The following RPA1 variants were observed in gnomAD, a reference collection of about 807,000 sequenced individuals.
RPA1 encodes the protein replication protein A 70 kDa DNA-binding subunit.
In RPA1, 49 loss-of-function variants were observed where a neutral mutation model predicts 83.0. The observed-to-expected ratio is 0.59, with a 90% CI of 0.47 to 0.75. RPA1 has a LOEUF of 0.75. Among genes scored for constraint, RPA1 ranks in the 30% least tolerant of loss-of-function variants. RPA1 has a pLI of 0.00. For synonymous variants in RPA1, 279 were observed against 281.8 expected (o/e 0.99, Z 0.10); for missense variants, 693 against 776.1 (o/e 0.89, Z 1.27).
rs2277694 is a variant in RPA1 at position 1,880,518 on chromosome 17, T to C, written c.1093-25T>C. ...GTGTTCTTCCTGCTAGTGACACTTG[T>C]ATATGTCTGGTGTTTCTTTTACAGG... On this transcript the variant is annotated intron_variant, in intron 11 of 16. Coordinates refer to ENST00000254719, the MANE Select transcript of RPA1 (RefSeq NM_002945.5). The C allele has an allele frequency of 0.22, 356,328 of 1,606,942 alleles. 40,701 individuals are homozygous for C. Among genetic ancestry groups the C allele is most frequent in the Admixed American group, 0.27 (15,860 of 59,802 alleles).
chr17:1,895,108 C>G lies in RPA1; in HGVS notation c.1746+13C>G. 2 of 1,608,050 alleles carry G rather than the reference C, an allele frequency of 1.2e-6. No individual in the cohort carries two copies. Among genetic ancestry groups the G allele is most frequent in the African/African-American group, 1.3e-5 (1 of 74,874 alleles). On this transcript the variant is annotated intron_variant, in intron 16 of 16. Coordinates refer to ENST00000254719, the MANE Select transcript of RPA1 (RefSeq NM_002945.5). Reference sequence around the variant, plus strand: ...GGAGACCTACAACGTAAGTAAGGGCCTGGGCAGCAGGGTTGGTGGTGGGGA... The same window carrying G: ...GGAGACCTACAACGTAAGTAAGGGCGTGGGCAGCAGGGTTGGTGGTGGGGA...
chr17:1,876,117 A>G (rs970279700), intron 7 of RPA1, among the ~76,000 whole-genome samples: 4 of 152,192 alleles, frequency 2.6e-5, no homozygotes, highest in African/African-American at 9.7e-5. Flanking sequence ...AATATTTCTG[A>G]TAATTCAAAA....
chr17:1,842,657 G>A, intron 1 of RPA1, 146 bp from the exon 2 acceptor site: 1 of 664,518 alleles, frequency 1.5e-6, no homozygotes, highest in Non-Finnish European at 2.7e-6. Flanking sequence ...TGTCCAGAGT[G>A]ATAAACTAGA....
At chr17:1,883,999 G>A (rs1415077670) in intron 13 of RPA1, 55 bp downstream of exon 13, 3 of 1,598,838 alleles carry the variant, frequency 1.9e-6, no homozygotes, top group African/African-American at 1.3e-5. Flanking sequence ...GCAGAAGGAT[G>A]GATTTAGAAA....
At chr17:1,848,160 ATGCT>A (rs889348146) in intron 4 of RPA1, among the ~76,000 whole-genome samples, 5 of 152,332 alleles carry the variant, frequency 3.3e-5, no homozygotes, top group African/African-American at 7.2e-5. Context: ...GGTAGTGGTG[ATGCT>A]TGCATAACTG....
Position 1,877,061 on chromosome 17 carries a change from TG to T in RPA1, c.588-150del, listed in dbSNP as rs935227177. On this transcript the variant is annotated intron_variant, in intron 7 of 16. Coordinates refer to ENST00000254719, the MANE Select transcript of RPA1 (RefSeq NM_002945.5). Reference sequence around the variant, plus strand: ...CTTATTCTGTAAACTGTCAAACCCATGTGTCATCTTGGGGTTTTAATTAGCT... The same window carrying T: ...CTTATTCTGTAAACTGTCAAACCCATTGTCATCTTGGGGTTTTAATTAGCT... 6.0e-6 allele frequency: 4 copies of T among 672,164 alleles called. No homozygotes were observed. In the African/African-American group the frequency reaches 7.2e-5, roughly 12 times the overall value. The allele number at this position is 672,164 out of a possible 1,614,324, so 41.6% of individuals were successfully genotyped here.
chr17:1,845,620 C>A (rs1912226967), intron 4 of RPA1, among the ~76,000 whole-genome samples: 1 of 152,184 alleles, frequency 6.6e-6, no homozygotes. Context: ...AGAACTGTTA[C>A]TCTCATTGCT....
At chr17:1,896,462 G>A (rs922329070) in intron 16 of RPA1, among the ~76,000 whole-genome samples, 2 of 149,082 alleles carry the variant, frequency 1.3e-5, no homozygotes, top group Admixed American at 6.7e-5. Context: ...GTTCTTCTGC[G>A]ACTACTATAA....
At chr17:1,851,326 T>C (rs1213678676) in intron 4 of RPA1, among the ~76,000 whole-genome samples, 2 of 151,952 alleles carry the variant, frequency 1.3e-5, no homozygotes, top group Non-Finnish European at 2.9e-5. Context: ...CCAAAATAAG[T>C]TTCCTGTGAC....
intron 12 of RPA1, 127 bp from the exon 13 acceptor site, chr17:1,883,685 G>A (rs921361185): frequency 4.5e-5 from 49 of 1,086,908 alleles, no homozygotes; most frequent in African/African-American, 1.7e-4. Context: ...CGACATGACC[G>A]TGACCTGTGT....
At chr17:1,842,234 T>G (rs1036694969) in intron 1 of RPA1, among the ~76,000 whole-genome samples, 1 of 152,180 alleles carries the variant, frequency 6.6e-6, no homozygotes, top group Admixed American at 6.5e-5. Context: ...TTTTCTATTT[T>G]CTGAAATAAT....
At chr17:1,853,865 G>A (rs1160742665) in intron 5 of RPA1, among the ~76,000 whole-genome samples, 2 of 152,192 alleles carry the variant, frequency 1.3e-5, no homozygotes, top group African/African-American at 4.8e-5. Context: ...ATACTCCTGT[G>A]ATAACACTCA....
chr17:1,837,714 G>C (rs941276933), intron 1 of RPA1, among the ~76,000 whole-genome samples: 1 of 152,126 alleles, frequency 6.6e-6, no homozygotes, highest in Non-Finnish European at 1.5e-5. Context: ...CTGGCCATTT[G>C]TATATCTTCA....
At chr17:1,863,379 T>C (rs1002765041) in intron 5 of RPA1, among the ~76,000 whole-genome samples, 28 of 151,200 alleles carry the variant, frequency 1.9e-4, no homozygotes, top group Non-Finnish European at 3.2e-4. Context: ...ACTCAGCTAA[T>C]TTTTTTTATT....
intron 4 of RPA1, among the ~76,000 whole-genome samples, chr17:1,846,842 A>G (rs541174659): frequency 2.6e-4 from 39 of 152,252 alleles, no homozygotes; most frequent in Admixed American, 7.2e-4. Context: ...AGGTTTTCCA[A>G]CGTAATAGTA....
Position 1,897,122 on chromosome 17 carries a change from A to T in RPA1, c.1798A>T (p.Arg600Ter). The change falls in exon 17 of 17, where the codon AGA (arginine) becomes TGA (stop). Residue 600 changes from arginine to a stop codon, truncating the protein, a stop_gained. Transcript: ENST00000254719. LOFTEE classifies it high-confidence loss of function. ...TVMDVKPVDY[R>*]EYGRRLVMSI... ...GATGGACGTGAAGCCCGTGGACTACAGAGAGTATGGCCGAAGGCTGGTCAT... is the reference window on the plus strand; with the variant it reads ...GATGGACGTGAAGCCCGTGGACTACTGAGAGTATGGCCGAAGGCTGGTCAT... 1.3e-6 allele frequency: 2 copies of T among 1,572,314 alleles called. No individual in the cohort carries two copies. The highest frequency in any genetic ancestry group is 1.7e-6 in the Non-Finnish European group (2 of 1,158,458).
intron 13 of RPA1, among the ~76,000 whole-genome samples, chr17:1,887,934 A>G (rs1271737936): frequency 1.3e-5 from 2 of 152,134 alleles, no homozygotes; most frequent in Non-Finnish European, 2.9e-5. Context: ...ATCTTGCAAG[A>G]ATTACTGTCT....
chr17:1,840,957 C>A (rs968836690), intron 1 of RPA1, among the ~76,000 whole-genome samples: 9 of 152,024 alleles, frequency 5.9e-5, no homozygotes. Context: ...ACCCCAGCTA[C>A]GCGGGAGGCT....
rs1914577991 is a variant in RPA1 at position 1,899,725 on chromosome 17, AG to A, written c.*2551del. The A allele has an allele frequency of 6.6e-6, 1 of 152,226 alleles. No individual in the cohort carries two copies. The highest frequency in any genetic ancestry group is 1.5e-5 in the Non-Finnish European group (1 of 68,042). The allele number at this position is 152,226 out of a possible 1,614,324, so 9.4% of individuals were successfully genotyped here. A position where few individuals can be genotyped will look rare whatever the true frequency, so the allele number is the denominator to read the frequency against. Reference sequence around the variant, plus strand: ...TAATTAATATACTGTCCAAAAGTGAAGTTTGGCCGCCCAGTATGTAAAGGTT... The same window carrying A: ...TAATTAATATACTGTCCAAAAGTGAATTTGGCCGCCCAGTATGTAAAGGTT... On this transcript the variant is annotated 3_prime_UTR_variant, in exon 17 of 17. Transcript: ENST00000254719.
Sources: allele counts gnomAD v4.1 joint callset (sites outside exome capture counted in the v4.1 genomes callset), GRCh38; gene constraint gnomAD v4.1.1; transcripts MANE v1.5; gene names NCBI Gene and HGNC (gene_info 2026-07-23, HGNC 2026-07-21).